GPC3: variants seen among roughly 807,000 people sequenced by gnomAD.
GPC3 encodes the protein glypican-3.
In GPC3, 3 loss-of-function variants were observed where a neutral mutation model predicts 34.4. The ratio of observed to expected loss-of-function variants is 0.09; its 90% confidence interval spans 0.04 to 0.23. The LOEUF is 0.23. GPC3 is among the 10% of genes least tolerant of loss of function. The probability of loss-of-function intolerance (pLI) is 1.00; values close to 1 mark genes in which losing one functional copy is unlikely to be tolerated. For missense variants in GPC3, 351 were observed against 445.6 expected (o/e 0.79, Z 1.91); for synonymous variants, 177 against 174.0 (o/e 1.02, Z -0.13).
intron 6 of GPC3, among the ~76,000 whole-genome samples, chrX:133,649,786 C>T (rs780962163): frequency 2.7e-5 from 3 of 111,600 alleles, no homozygotes; most frequent in Admixed American, 9.5e-5. Context: ...GTATCCCAGG[C>T]AGGCACAAAG....
intron 5 of GPC3, among the ~76,000 whole-genome samples, chrX:133,680,296 G>A (rs904445461): frequency 3.6e-5 from 4 of 111,763 alleles, no homozygotes; most frequent in Admixed American, 9.5e-5. Flanking sequence ...CCTACCCCAG[G>A]TGGGAACACC....
chrX:133,854,900 T>G (rs1023803751), intron 2 of GPC3, among the ~76,000 whole-genome samples: 7 of 112,149 alleles, frequency 6.2e-5, no homozygotes, highest in African/African-American at 2.3e-4. Context: ...CAAGATAATG[T>G]TTTTAACTAT....
chrX:133,773,360 C>T (rs1001300781), intron 2 of GPC3, among the ~76,000 whole-genome samples: 1 of 111,792 alleles, frequency 8.9e-6, no homozygotes, highest in Non-Finnish European at 1.9e-5. Flanking sequence ...CAAAGAAGCA[C>T]AAAACTAGAC....
chrX:133,589,505 GA>G (rs1243406714), intron 7 of GPC3, among the ~76,000 whole-genome samples: 4 of 111,089 alleles, frequency 3.6e-5, no homozygotes, highest in Non-Finnish European at 7.6e-5. Flanking sequence ...GCCTCCCGAG[GA>G]GCTGGGATTA....
chrX:133,737,461 G>C (rs1373711932), intron 3 of GPC3, among the ~76,000 whole-genome samples: 2 of 112,129 alleles, frequency 1.8e-5, no homozygotes, highest in African/African-American at 6.5e-5. Flanking sequence ...GAGGAGGTAA[G>C]AGGTATAAAC....
intron 4 of GPC3, among the ~76,000 whole-genome samples, chrX:133,697,008 C>G (rs1273158265): frequency 1.8e-5 from 2 of 112,213 alleles, no homozygotes; most frequent in Non-Finnish European, 3.8e-5. Flanking sequence ...GTGATCATCC[C>G]TGGAGGGCTT....
intron 2 of GPC3, among the ~76,000 whole-genome samples, chrX:133,822,362 C>T (rs1435134729): frequency 9.0e-6 from 1 of 111,531 alleles, no homozygotes; most frequent in Non-Finnish European, 1.9e-5. Context: ...TCACATATGC[C>T]AAAGAGGAGT....
intron 5 of GPC3, among the ~76,000 whole-genome samples, chrX:133,686,914 T>TTTTGTTTGTTTGTTTG (rs779216905): frequency 1.9e-5 from 2 of 106,935 alleles, no homozygotes; most frequent in African/African-American, 7.0e-5. Context: ...GATTTTCTTT[T>TTTTGTTTGTTTGTTTG]TTTGTTTGTT....
At chrX:133,656,002 C>T (rs977682347) in intron 6 of GPC3, among the ~76,000 whole-genome samples, 1 of 112,165 alleles carries the variant, frequency 8.9e-6, no homozygotes, top group African/African-American at 3.2e-5. Context: ...GAAGTGGAGA[C>T]ATTTCAGCAT....
intron 7 of GPC3, among the ~76,000 whole-genome samples, chrX:133,548,284 T>C (rs887636354): frequency 9.0e-6 from 1 of 111,384 alleles, no homozygotes; most frequent in Non-Finnish European, 1.9e-5. Context: ...GGGAGTGGCC[T>C]TGCAGTCCCT....
At chrX:133,917,151 C>A (rs1458805571) in intron 2 of GPC3, among the ~76,000 whole-genome samples, 1 of 111,857 alleles carries the variant, frequency 8.9e-6, no homozygotes, top group Non-Finnish European at 1.9e-5. Flanking sequence ...GTTCTAATAC[C>A]TTTCTCAGCA....
At chrX:133,901,589 C>T in intron 2 of GPC3, among the ~76,000 whole-genome samples, 1 of 110,648 alleles carries the variant, frequency 9.0e-6, no homozygotes, top group Non-Finnish European at 1.9e-5. Flanking sequence ...TACAGGCCCG[C>T]ACCACCACAC....
At chrX:133,626,125 A>C (rs1397294787) in intron 6 of GPC3, among the ~76,000 whole-genome samples, 1 of 112,219 alleles carries the variant, frequency 8.9e-6, no homozygotes, top group Non-Finnish European at 1.9e-5. Context: ...TAGAAAGCTG[A>C]AACTGGATCC....
At chrX:133,818,542 A>T (rs910900623) in intron 2 of GPC3, among the ~76,000 whole-genome samples, 5 of 111,746 alleles carry the variant, frequency 4.5e-5, no homozygotes, top group East Asian at 5.6e-4. Flanking sequence ...AATGATAAGG[A>T]TTTAAAGCAG....
At chrX:133,628,879 C>T (rs1388830514) in intron 6 of GPC3, among the ~76,000 whole-genome samples, 3 of 111,207 alleles carry the variant, frequency 2.7e-5, no homozygotes, top group Non-Finnish European at 5.6e-5. Flanking sequence ...ATATAATTCA[C>T]AGTAAAAATT....
chrX:133,777,333 C>A (rs1022915504), intron 2 of GPC3, among the ~76,000 whole-genome samples: 1 of 110,550 alleles, frequency 9.0e-6, no homozygotes, highest in African/African-American at 3.3e-5. Context: ...TTTATGCCTG[C>A]TTATCTTCCC....
chrX:133,815,044 G>A (rs953712962), intron 2 of GPC3, among the ~76,000 whole-genome samples: 1 of 111,483 alleles, frequency 9.0e-6, no homozygotes, highest in Non-Finnish European at 1.9e-5. Flanking sequence ...ATAGAACAAT[G>A]AGTTAGGATA....
chrX:133,959,762 G>A (rs972268980), intron 1 of GPC3, among the ~76,000 whole-genome samples: 6 of 112,339 alleles, frequency 5.3e-5, no homozygotes, highest in Non-Finnish European at 1.1e-4. Context: ...AATTCATGCT[G>A]AGAGACTAGA....
chrX:133,923,914 A>G (rs948075742), intron 2 of GPC3, among the ~76,000 whole-genome samples: 3 of 111,830 alleles, frequency 2.7e-5, no homozygotes, highest in Non-Finnish European at 5.6e-5. Flanking sequence ...AATGCCAGGT[A>G]CGTGAGGAAA....
Sources: gnomAD v4.1 joint callset for allele counts (sites outside exome capture counted in the v4.1 genomes callset) on GRCh38, gnomAD v4.1.1 for gene constraint, MANE v1.5 for transcripts, NCBI Gene and HGNC (gene_info 2026-07-23, HGNC 2026-07-21) for gene names.